The following ITGA9 variants were observed in gnomAD, a reference collection of about 807,000 sequenced individuals.
ITGA9 encodes the protein integrin subunit alpha 9.
Under a neutral mutation model 127.8 loss-of-function variants are expected in ITGA9, and 56 were observed. The observed-to-expected ratio is 0.44, with a 90% CI of 0.35 to 0.55. ITGA9 has a LOEUF of 0.55. Ranked by LOEUF, ITGA9 falls within the 20% of genes least tolerant of loss-of-function variation. ITGA9 has a pLI of 0.00. For missense variants in ITGA9, 1,196 were observed against 1,347.1 expected, an observed-to-expected ratio of 0.89 and a Z score of 1.76; for synonymous variants, 508 against 514.5, an observed-to-expected ratio of 0.99 and a Z score of 0.17.
At chr3:37,459,637 C>T (rs569620577) in intron 1 of ITGA9, among the ~76,000 whole-genome samples, 1 of 152,302 alleles carries the variant, frequency 6.6e-6, no homozygotes, top group East Asian at 1.9e-4. Context: ...TATCCCCATT[C>T]ATGGAGGGGA....
At chr3:37,520,618 T>A (rs533788073) in intron 11 of ITGA9, among the ~76,000 whole-genome samples, 38 of 152,340 alleles carry the variant, frequency 2.5e-4, no homozygotes, top group South Asian at 4.1e-4. Context: ...GAGGGGCATT[T>A]ATCTATCCAG....
At chr3:37,575,304 G>C (rs1699643185) in intron 15 of ITGA9, among the ~76,000 whole-genome samples, 1 of 152,148 alleles carries the variant, frequency 6.6e-6, no homozygotes, top group Non-Finnish European at 1.5e-5. Flanking sequence ...CCTTCAGCGG[G>C]CATTTAACAG....
chr3:37,492,020 A>G (rs1698678821), intron 4 of ITGA9, among the ~76,000 whole-genome samples: 1 of 152,316 alleles, frequency 6.6e-6, no homozygotes, highest in Non-Finnish European at 1.5e-5. Flanking sequence ...AACACCCACT[A>G]ACTTTCCTAG....
chr3:37,527,992 G>A (rs1699111039), intron 13 of ITGA9, among the ~76,000 whole-genome samples: 1 of 152,020 alleles, frequency 6.6e-6, no homozygotes, highest in Admixed American at 6.5e-5. Context: ...TCACCATGTT[G>A]ATCAGGCTGG....
Position 37,500,353 on chromosome 3 carries a change from T to C in ITGA9, c.613-2825T>C, listed in dbSNP as rs188292977. On this transcript the variant is annotated intron_variant, in intron 5 of 27. Coordinates refer to ENST00000264741, the MANE Select transcript of ITGA9 (RefSeq NM_002207.3). ...TCTGGCTTATCATCAACAGCTTCCTTCAAGGGGGGTAGGATCTCAAAACTT... is the reference window on the plus strand; with the variant it reads ...TCTGGCTTATCATCAACAGCTTCCTCCAAGGGGGGTAGGATCTCAAAACTT... Among the ~76,000 whole-genome samples the C allele has an allele frequency of 4.6e-5, 7 of 152,298 alleles. No individual in the cohort carries two copies. In the South Asian group the frequency reaches 1.2e-3, roughly 27 times the overall value.
intron 3 of ITGA9, among the ~76,000 whole-genome samples, chr3:37,480,611 T>C (rs1698542695): frequency 6.6e-6 from 1 of 152,210 alleles, no homozygotes; most frequent in African/African-American, 2.4e-5. Flanking sequence ...TTTTGCTGTA[T>C]GTAAGTTTCC....
At chr3:37,786,429 C>A (rs1412655915) in intron 26 of ITGA9, among the ~76,000 whole-genome samples, 3 of 151,988 alleles carry the variant, frequency 2.0e-5, no homozygotes, top group African/African-American at 4.8e-5. Flanking sequence ...GCTGTCTCTA[C>A]TAAAAAATAT....
intron 15 of ITGA9, among the ~76,000 whole-genome samples, chr3:37,587,264 G>A (rs34338529): frequency 3.5e-4 from 54 of 152,290 alleles, no homozygotes; most frequent in Non-Finnish European, 5.0e-4. Flanking sequence ...CATAGACCCC[G>A]AAACATGCAT....
intron 18 of ITGA9, among the ~76,000 whole-genome samples, chr3:37,686,380 C>G (rs559628461): frequency 3.3e-5 from 5 of 152,244 alleles, no homozygotes; most frequent in African/African-American, 1.2e-4. Flanking sequence ...ATTGTCCCCC[C>G]TTGAAGCTGC....
Position 37,629,643 on chromosome 3 carries a change from G to A in ITGA9, c.1839+307G>A, listed in dbSNP as rs1241041262. 2 of 590,548 alleles carry A rather than the reference G, an allele frequency of 3.4e-6. No individual in the cohort carries two copies. 36.6% of individuals were successfully genotyped at this position (590,548 alleles called of 1,614,324 possible). ...CTGAACTTGCCTCTGTTCCTAGACT[G>A]TTTTCAGAGCTTAGATTGGTGGATA... On this transcript the variant is annotated intron_variant, in intron 16 of 27. Coordinates refer to ENST00000264741, the MANE Select transcript of ITGA9 (RefSeq NM_002207.3). This position sits in a 1 kb window ranked among gnomAD's most constrained non-coding sequence, Gnocchi z 4.5.
At chr3:37,493,611 T>G (rs11928808) in intron 4 of ITGA9, among the ~76,000 whole-genome samples, 2 of 152,220 alleles carry the variant, frequency 1.3e-5, no homozygotes, top group Non-Finnish European at 2.9e-5. Flanking sequence ...GGAATGGGTT[T>G]CTAAGTCCAA....
intron 15 of ITGA9, among the ~76,000 whole-genome samples, chr3:37,563,053 A>G (rs570888553): frequency 7.9e-5 from 12 of 152,252 alleles, no homozygotes; most frequent in African/African-American, 2.9e-4. Flanking sequence ...TAATTGCCCA[A>G]TAAATGTTCA....
At chr3:37,518,093 C>CGCGT (rs368577036) in intron 10 of ITGA9, among the ~76,000 whole-genome samples, 12 of 144,106 alleles carry the variant, frequency 8.3e-5, no homozygotes, top group South Asian at 4.6e-4. Flanking sequence ...AGAGTGTACG[C>CGCGT]GTGTGTGTGT....
chr3:37,497,285 A>G (rs1317158453), intron 5 of ITGA9, among the ~76,000 whole-genome samples: 1 of 149,400 alleles, frequency 6.7e-6, no homozygotes, highest in Non-Finnish European at 1.5e-5. Context: ...TGATGTCTTT[A>G]TCATCCTGGC....
At chr3:37,532,690 T>A (rs1350817244) in intron 13 of ITGA9, among the ~76,000 whole-genome samples, 1 of 152,206 alleles carries the variant, frequency 6.6e-6, no homozygotes, top group African/African-American at 2.4e-5. Flanking sequence ...AGAGTATGGC[T>A]ATTTATTGAG....
chr3:37,546,197 T>C (rs936065148), intron 15 of ITGA9, among the ~76,000 whole-genome samples: 1 of 152,056 alleles, frequency 6.6e-6, no homozygotes, highest in East Asian at 1.9e-4. Flanking sequence ...GACACAACAG[T>C]GTCCTAGAAT....
Position 37,473,455 on chromosome 3 carries a change from G to A in ITGA9, c.415G>A (p.Val139Met). The A allele has an allele frequency of 6.2e-7, 1 of 1,612,478 alleles. No homozygotes were observed. The highest frequency in any genetic ancestry group is 8.5e-7 in the Non-Finnish European group (1 of 1,178,514). Residue 139 changes from valine to methionine, a missense_variant, in exon 3 of 28, where the codon GTG becomes ATG. Val to Met is a conservative substitution (Grantham distance 21). Coordinates refer to ENST00000264741, the MANE Select transcript of ITGA9 (RefSeq NM_002207.3). ...CCGACAGCCCAAGGCTGATGGCCGTGTGTTGGTAAGTCCCTCCTGGGGGTG... is the reference window on the plus strand; with the variant it reads ...CCGACAGCCCAAGGCTGATGGCCGTATGTTGGTAAGTCCCTCCTGGGGGTG... ...LARQPKADGR[V>M]LACAHRWKNI...
intron 15 of ITGA9, among the ~76,000 whole-genome samples, chr3:37,621,041 T>A (rs1575170213): frequency 6.6e-6 from 1 of 152,306 alleles, no homozygotes; most frequent in African/African-American, 2.4e-5. Flanking sequence ...AATTCCCACA[T>A]GCTGTGGGAG....
chr3:37,607,932 G>T (rs868565250), intron 15 of ITGA9, among the ~76,000 whole-genome samples: 5 of 152,310 alleles, frequency 3.3e-5, no homozygotes, highest in Admixed American at 6.5e-5. Context: ...GGGTAACTCC[G>T]TCTTCACCAT....
Sources: gnomAD v4.1 joint callset for allele counts (sites outside exome capture counted in the v4.1 genomes callset) on GRCh38, gnomAD v4.1.1 for gene constraint, Gnocchi (gnomAD v3.1) non-coding constraint, MANE v1.5 for transcripts, NCBI Gene and HGNC (gene_info 2026-07-23, HGNC 2026-07-21) for gene names.